LAMA1: variants seen among roughly 807,000 people sequenced by gnomAD.
The protein encoded by LAMA1 is laminin subunit alpha 1, also known as laminin subunit alpha-1.
Under a neutral mutation model 348.7 loss-of-function variants are expected in LAMA1, and 219 were observed. That is an observed-to-expected ratio of 0.63 (90% CI 0.56 to 0.70). The LOEUF (loss-of-function observed/expected upper bound fraction) is 0.70, where lower values mean the gene tolerates loss of function less well. Among genes scored for constraint, LAMA1 ranks in the 30% least tolerant of loss-of-function variants. The pLI is 0.00. For missense variants in LAMA1, 3,744 were observed against 3,888.0 expected (o/e 0.96, Z 0.99); for synonymous variants, 1,487 against 1,491.0 (o/e 1.00, Z 0.06).
chr18:6,961,873 T>C, intron 52 of LAMA1, 72 bp downstream of exon 52: 1 of 1,557,084 alleles, frequency 6.4e-7, no homozygotes, highest in Admixed American at 1.7e-5. Context: ...ACTGGTTTGT[T>C]GTGTTATGAT....
chr18:7,046,167 G>T, intron 6 of LAMA1, 111 bp downstream of exon 6: 3 of 677,566 alleles, frequency 4.4e-6, no homozygotes, highest in Non-Finnish European at 5.1e-6. Flanking sequence ...TTTTTTTGGA[G>T]CATAATTTTA....
At position 7,074,967 on chromosome 18, in the gene LAMA1, C is replaced by CAAAAAAAAAAAAAAAAAAA. The variant is rs773818069; in HGVS notation, c.345+4989_345+5007dup. On this transcript the variant is annotated intron_variant, in intron 3 of 62. Transcript: ENST00000389658. ...GATAACCAAACCTAATACATAGAGG[C>CAAAAAAAAAAAAAAAAAAA]AAAAAAAAAAAAAAAAAAAAAAAAA... 1.5e-4 allele frequency among the ~76,000 whole-genome samples: 8 copies of CAAAAAAAAAAAAAAAAAAA among 52,258 alleles called. 1 individual carries two copies. Among genetic ancestry groups the CAAAAAAAAAAAAAAAAAAA allele is most frequent in the East Asian group, 4.7e-4 (1 of 2,136 alleles). The allele number at this position is 52,258 out of a possible 152,430, so 34.3% of individuals were successfully genotyped here.
chr18:6,947,126 G>T, intron 61 of LAMA1, 37 bp downstream of exon 61: 2 of 1,613,032 alleles, frequency 1.2e-6, no homozygotes, highest in African/African-American at 2.7e-5. Context: ...CTCTGACACT[G>T]GGGGGAGGAA....
chr18:7,078,653 C>T (rs1427627246), intron 3 of LAMA1, among the ~76,000 whole-genome samples: 1 of 152,124 alleles, frequency 6.6e-6, no homozygotes, highest in Non-Finnish European at 1.5e-5. Context: ...AACACAAGTT[C>T]CTTGTACATC....
intron 20 of LAMA1, among the ~76,000 whole-genome samples, 194 bp from the exon 21 acceptor site, chr18:7,016,865 T>C (rs1173437105): frequency 6.6e-6 from 1 of 152,152 alleles, no homozygotes; most frequent in Non-Finnish European, 1.5e-5. Flanking sequence ...CTTTATGACA[T>C]GGTTTGACTC....
rs780113145 is a variant in LAMA1 at position 7,012,184 on chromosome 18, T to C, written c.3364-46A>G. ...GACTCGTTTTTGCCTAAAAAAGAGA[T>C]GTGATTTCTGAACAAACAGAGACAA... is the stretch of plus-strand genomic sequence containing the variant. On this transcript the variant is annotated intron_variant, in intron 23 of 62. Coordinates refer to ENST00000389658, the MANE Select transcript of LAMA1 (RefSeq NM_005559.4). 2.5e-6 allele frequency: 4 copies of C among 1,593,386 alleles called. No homozygotes were observed. The African/African-American group carries it at 5.4e-5, about 21-fold the overall frequency.
chr18:7,075,573 A>C (rs1446514123), intron 3 of LAMA1, among the ~76,000 whole-genome samples: 1 of 151,936 alleles, frequency 6.6e-6, no homozygotes, highest in Non-Finnish European at 1.5e-5. Context: ...CAGTGAGCCG[A>C]GATCGCGCCA....
At chr18:7,003,765 G>A (rs571573684) in intron 29 of LAMA1, among the ~76,000 whole-genome samples, 3 of 152,312 alleles carry the variant, frequency 2.0e-5, no homozygotes, top group Admixed American at 1.3e-4. Flanking sequence ...CCTTGGCAGT[G>A]AGAGGTGATA....
chr18:6,952,550 G>A (rs1428869571), intron 57 of LAMA1, among the ~76,000 whole-genome samples: 6 of 152,162 alleles, frequency 3.9e-5, no homozygotes, highest in African/African-American at 1.4e-4. Flanking sequence ...TCTTATTTGC[G>A]GTTTTGCCTT....
chr18:6,955,512 C>A (rs757498395), intron 56 of LAMA1, 47 bp from the exon 57 acceptor site: 1 of 1,399,842 alleles, frequency 7.1e-7, no homozygotes, highest in East Asian at 2.3e-5. Context: ...GCAGCCCGAA[C>A]CCCACTGACA....
rs182637105 is a variant in LAMA1, at chr18:6,945,459, C to T, written c.8844+1704G>A. 6.9e-4 allele frequency among the ~76,000 whole-genome samples: 105 copies of T among 152,214 alleles called. 1 individual carries two copies. Among genetic ancestry groups the T allele is most frequent in the East Asian group, 6.4e-3 (33 of 5,172 alleles). On this transcript the variant is annotated intron_variant, in intron 61 of 62. Transcript: ENST00000389658. The stretch of plus-strand genomic sequence containing the variant: ...TAAGTAGGGAAATACCAGAAACAAC[C>T]GGTAAGTCCTGGGGAATCTAGAACA...
intron 3 of LAMA1, among the ~76,000 whole-genome samples, chr18:7,077,395 C>G (rs865931554): frequency 2.9e-4 from 44 of 151,870 alleles, no homozygotes; most frequent in African/African-American, 9.2e-4. Flanking sequence ...TTAGTAGAGA[C>G]GGGATTTCAC....
At chr18:7,101,159 C>T (rs1370500782) in intron 1 of LAMA1, among the ~76,000 whole-genome samples, 3 of 152,170 alleles carry the variant, frequency 2.0e-5, no homozygotes, top group Non-Finnish European at 4.4e-5. Flanking sequence ...TGGAAAGGTT[C>T]ATACCAGACT....
chr18:7,050,291 T>C (rs2058057392), intron 4 of LAMA1, among the ~76,000 whole-genome samples: 1 of 152,174 alleles, frequency 6.6e-6, no homozygotes, highest in Admixed American at 6.5e-5. Context: ...TCTGGGCATG[T>C]TGGGCACTAA....
chr18:7,056,945 C>T (rs1391833550), intron 3 of LAMA1, among the ~76,000 whole-genome samples: 1 of 151,450 alleles, frequency 6.6e-6, no homozygotes, highest in Admixed American at 6.6e-5. Flanking sequence ...GATCTTGGCT[C>T]ACTGCAACCT....
chr18:6,960,756 G>A (rs780539040), intron 53 of LAMA1: 4 of 151,750 alleles, frequency 2.6e-5, no homozygotes, highest in Non-Finnish European at 5.9e-5. Flanking sequence ...GTCGTGACAT[G>A]TTTGGGTTCT....
At chr18:7,057,413 G>C (rs2143739328) in intron 3 of LAMA1, among the ~76,000 whole-genome samples, 1 of 148,160 alleles carries the variant, frequency 6.7e-6, no homozygotes, top group East Asian at 2.0e-4. Flanking sequence ...CCCTAATCCA[G>C]TTTTTCCACC....
At chr18:6,978,491 T>G (rs2057693650) in intron 42 of LAMA1, 113 bp from the exon 43 acceptor site, 1 of 1,020,144 alleles carries the variant, frequency 9.8e-7, no homozygotes, top group Non-Finnish European at 1.5e-6. Flanking sequence ...ATATTACTGA[T>G]GCTGAACACA....
intron 8 of LAMA1, chr18:7,042,642 TG>T (rs2058025445): frequency 3.9e-6 from 1 of 257,386 alleles, no homozygotes; most frequent in Non-Finnish European, 7.6e-6. Context: ...CCCAGCACTC[TG>T]GGAGGCCAAG....
Sources: gnomAD v4.1 joint callset for allele counts (sites outside exome capture counted in the v4.1 genomes callset) on GRCh38, gnomAD v4.1.1 for gene constraint, MANE v1.5 for transcripts, NCBI Gene and HGNC (gene_info 2026-07-23, HGNC 2026-07-21) for gene names.